THSD4: variants seen among roughly 807,000 people sequenced by gnomAD.
The protein encoded by THSD4 is thrombospondin type 1 domain containing 4, also known as thrombospondin type-1 domain-containing protein 4.
A neutral mutation model predicts 119.0 loss-of-function variants in THSD4; 69 were observed. The ratio of observed to expected loss-of-function variants is 0.58; its 90% CI spans 0.48 to 0.71. THSD4 has a LOEUF of 0.71. THSD4 is among the 30% of genes least tolerant of loss of function. The probability of loss-of-function intolerance (pLI) is 0.00; values close to 1 mark genes in which losing one functional copy is unlikely to be tolerated. For synonymous variants in THSD4, 524 were observed against 540.4 expected (o/e 0.97, Z 0.42); for missense variants, 1,393 against 1,391.1 (o/e 1.00, Z -0.02).
chr15:71,136,940 A>G (rs1031366897), intron 1 of THSD4, among the ~76,000 whole-genome samples: 5 of 151,388 alleles, frequency 3.3e-5, no homozygotes, highest in African/African-American at 1.2e-4. Context: ...GATGATCCTG[A>G]CCCTCTGTCT....
upstream of THSD4, chr15:71,111,995 A>C: frequency 9.8e-7 from 1 of 1,018,480 alleles, no homozygotes; most frequent in Non-Finnish European, 1.4e-6. Flanking sequence ...TGTGTTCCCC[A>C]TAAGTTTCCC....
chr15:71,216,128 T>C (rs1390603222), intron 4 of THSD4, among the ~76,000 whole-genome samples: 2 of 152,262 alleles, frequency 1.3e-5, no homozygotes, highest in African/African-American at 4.8e-5. Flanking sequence ...CATCCGGCAG[T>C]ATTTGTTGGG....
intron 5 of THSD4, among the ~76,000 whole-genome samples, chr15:71,250,452 C>T (rs1161356146): frequency 6.6e-6 from 1 of 152,128 alleles, no homozygotes; most frequent in East Asian, 1.9e-4. Flanking sequence ...ATCCTTCTGC[C>T]TCAGCCTACA....
chr15:71,737,294 C>T (rs1342007802), intron 10 of THSD4, among the ~76,000 whole-genome samples: 2 of 152,238 alleles, frequency 1.3e-5, no homozygotes, highest in African/African-American at 2.4e-5. Flanking sequence ...GATCTATTTG[C>T]AGGCTCATCC....
At chr15:71,713,864 G>A (rs1220825408) in intron 8 of THSD4, among the ~76,000 whole-genome samples, 6 of 152,154 alleles carry the variant, frequency 3.9e-5, no homozygotes, top group Non-Finnish European at 7.3e-5. Flanking sequence ...GTGGATGGAT[G>A]TGAAACCTAA....
intron 7 of THSD4, among the ~76,000 whole-genome samples, chr15:71,439,615 A>G (rs996837730): frequency 6.6e-6 from 1 of 152,204 alleles, no homozygotes; most frequent in African/African-American, 2.4e-5. Flanking sequence ...AACCAACCCA[A>G]ATGTCCATCA....
chr15:71,644,220 G>T lies in THSD4; in HGVS notation c.1153-16310G>T, dbSNP rs541377508. Reference sequence around the variant, plus strand: ...CTCTATGTTTTCTTCTGTTCTAAGAGTCTATGATTCTAGCATTCTATGTTT... The same window carrying T: ...CTCTATGTTTTCTTCTGTTCTAAGATTCTATGATTCTAGCATTCTATGTTT... On this transcript the variant is annotated intron_variant, in intron 7 of 17. Coordinates refer to ENST00000261862, the MANE Select transcript of THSD4 (RefSeq NM_024817.3). Among the ~76,000 whole-genome samples the T allele has an allele frequency of 7.9e-5, 12 of 152,270 alleles. No homozygotes were observed. In the South Asian group the frequency reaches 2.5e-3, roughly 32 times the overall value.
chr15:71,437,766 T>C (rs1000752471), intron 7 of THSD4, among the ~76,000 whole-genome samples: 7 of 152,232 alleles, frequency 4.6e-5, no homozygotes, highest in Non-Finnish European at 1.0e-4. Flanking sequence ...ATTTGTGATT[T>C]TGATAGCTAG....
At chr15:71,342,777 A>T (rs1240643953) in intron 6 of THSD4, 1 of 152,258 alleles carries the variant, frequency 6.6e-6, no homozygotes, top group African/African-American at 2.4e-5. Flanking sequence ...CTTGGATACC[A>T]ACTAGATGTC....
chr15:71,536,801 G>A (rs1285442578), intron 7 of THSD4, among the ~76,000 whole-genome samples: 1 of 152,132 alleles, frequency 6.6e-6, no homozygotes, highest in Non-Finnish European at 1.5e-5. Context: ...GTTAATTTGT[G>A]TGTGTATGTG....
intron 6 of THSD4, among the ~76,000 whole-genome samples, chr15:71,400,368 A>G (rs2046512031): frequency 1.3e-5 from 2 of 152,192 alleles, no homozygotes; most frequent in Admixed American, 1.3e-4. Flanking sequence ...TTCTAATTCC[A>G]GAGAAGAGCC....
intron 7 of THSD4, among the ~76,000 whole-genome samples, chr15:71,605,998 G>C (rs2050103469): frequency 6.6e-6 from 1 of 152,170 alleles, no homozygotes; most frequent in Non-Finnish European, 1.5e-5. Flanking sequence ...ATTTGAAGCA[G>C]GGAGGAGTCA....
chr15:71,303,595 C>T (rs2044981926), intron 6 of THSD4, among the ~76,000 whole-genome samples: 1 of 152,128 alleles, frequency 6.6e-6, no homozygotes, highest in Non-Finnish European at 1.5e-5. Flanking sequence ...AATGTGTTCT[C>T]TTCCAGAATC....
intron 7 of THSD4, among the ~76,000 whole-genome samples, chr15:71,568,660 A>G (rs1169245074): frequency 6.7e-6 from 1 of 149,960 alleles, no homozygotes; most frequent in Admixed American, 6.7e-5. Context: ...TCACATATGT[A>G]TACATGTGCC....
chr15:71,226,233 CAT>C (rs1327166959), intron 4 of THSD4, among the ~76,000 whole-genome samples: 1 of 152,166 alleles, frequency 6.6e-6, no homozygotes, highest in Non-Finnish European at 1.5e-5. Context: ...CTTCAAAAAA[CAT>C]AAGACACCAT....
chr15:71,275,961 G>A lies in THSD4; in HGVS notation c.1015+19246G>A, dbSNP rs576442866. 1.1e-3 allele frequency among the ~76,000 whole-genome samples: 163 copies of A among 152,264 alleles called. 2 individuals carry two copies. The highest frequency in any genetic ancestry group is 0.011 in the South Asian group (51 of 4,826). On this transcript the variant is annotated intron_variant, in intron 6 of 17. Coordinates refer to ENST00000261862, the MANE Select transcript of THSD4 (RefSeq NM_024817.3). ...TCCTTTGTAAATTACCCAGTCTAGCGTAAGTTTCTATCAGCAGCATGAGAA... is the reference window on the plus strand; with the variant it reads ...TCCTTTGTAAATTACCCAGTCTAGCATAAGTTTCTATCAGCAGCATGAGAA...
intron 6 of THSD4, among the ~76,000 whole-genome samples, chr15:71,370,767 G>A (rs1484249115): frequency 1.3e-5 from 2 of 152,184 alleles, no homozygotes; most frequent in South Asian, 2.1e-4. Flanking sequence ...GTTGATTTGG[G>A]GTGGAGAGTT....
At chr15:71,642,906 T>C (rs1165324178) in intron 7 of THSD4, among the ~76,000 whole-genome samples, 1 of 152,024 alleles carries the variant, frequency 6.6e-6, no homozygotes, top group Non-Finnish European at 1.5e-5. Flanking sequence ...CATATGTAAC[T>C]AACCTGCACA....
At chr15:71,516,329 G>C (rs1343892965) in intron 7 of THSD4, among the ~76,000 whole-genome samples, 4 of 152,142 alleles carry the variant, frequency 2.6e-5, no homozygotes, top group Non-Finnish European at 5.9e-5. Context: ...CCGAGCAAAT[G>C]CAAGGGTTGG....
Sources: gnomAD v4.1 joint callset for allele counts (sites outside exome capture counted in the v4.1 genomes callset) on GRCh38, gnomAD v4.1.1 for gene constraint, MANE v1.5 for transcripts, NCBI Gene and HGNC (gene_info 2026-07-23, HGNC 2026-07-21) for gene names.